The following CAPRIN1 variants were observed in gnomAD, a reference collection of about 807,000 sequenced individuals.
The protein encoded by CAPRIN1 is cell cycle associated protein 1.
CAPRIN1 carries 29 observed loss-of-function variants against 100.9 expected under a neutral mutation model. The observed-to-expected ratio is 0.29, with a 90% confidence interval of 0.21 to 0.39. CAPRIN1 has a LOEUF of 0.39. Ranked by LOEUF, CAPRIN1 falls within the 10% of genes least tolerant of loss-of-function variation. The pLI is 1.00. For missense variants in CAPRIN1, 795 were observed against 876.7 expected, an observed-to-expected ratio of 0.91 and a Z score of 1.18; for synonymous variants, 338 against 307.5, an observed-to-expected ratio of 1.10 and a Z score of -1.04.
intron 2 of CAPRIN1, among the ~76,000 whole-genome samples, chr11:34,066,044 C>T (rs762007091): frequency 7.9e-5 from 12 of 152,060 alleles, no homozygotes; most frequent in Non-Finnish European, 8.8e-5. Flanking sequence ...CGTGATCACA[C>T]GTTGAGGCTA....
intron 2 of CAPRIN1, chr11:34,056,517 GAGA>G (rs1490027343): frequency 6.6e-6 from 1 of 152,170 alleles, no homozygotes; most frequent in Non-Finnish European, 1.5e-5. Flanking sequence ...GTTTAGCAAA[GAGA>G]AGAAATACAG....
Position 34,082,953 on chromosome 11 carries a change from A to G in CAPRIN1, c.880-2A>G. On this transcript the variant is annotated splice_acceptor_variant, in intron 8 of 18. Transcript: ENST00000341394. LOFTEE classifies it high-confidence loss of function. ...GTCTCAAACATTTACTTTGCTTTGCAGTATGTAAATAGACAGTTCATGGCA... is the reference window on the plus strand; with the variant it reads ...GTCTCAAACATTTACTTTGCTTTGCGGTATGTAAATAGACAGTTCATGGCA... The G allele has an allele frequency of 6.2e-7, 1 of 1,613,566 alleles. No individual in the cohort carries two copies. Among genetic ancestry groups the G allele is most frequent in the Non-Finnish European group, 8.5e-7 (1 of 1,179,464 alleles).
chr11:34,063,968 A>AT (rs1038870585), intron 2 of CAPRIN1, among the ~76,000 whole-genome samples: 3 of 152,024 alleles, frequency 2.0e-5, no homozygotes, highest in African/African-American at 7.2e-5. Context: ...GGGTTTCTCC[A>AT]TGTTGGTCAG....
intron 2 of CAPRIN1, among the ~76,000 whole-genome samples, chr11:34,059,032 A>G (rs1228846645): frequency 6.6e-6 from 1 of 152,196 alleles, no homozygotes; most frequent in Non-Finnish European, 1.5e-5. Context: ...CAAAGTTGGA[A>G]CTGTAAATTG....
chr11:34,074,921 G>GT (rs1313611142), intron 4 of CAPRIN1, among the ~76,000 whole-genome samples: 1 of 150,230 alleles, frequency 6.7e-6, no homozygotes, highest in Non-Finnish European at 1.5e-5. Context: ...GCTCATACCT[G>GT]TAATCCTAGT....
chr11:34,082,057 C>G (rs1851043873), intron 7 of CAPRIN1, among the ~76,000 whole-genome samples: 1 of 152,176 alleles, frequency 6.6e-6, no homozygotes, highest in Non-Finnish European at 1.5e-5. Context: ...GGTGATCCCC[C>G]AACCTCGGCC....
chr11:34,072,605 G>A (rs1850824787), intron 4 of CAPRIN1, among the ~76,000 whole-genome samples: 1 of 152,102 alleles, frequency 6.6e-6, no homozygotes, highest in Non-Finnish European at 1.5e-5. Flanking sequence ...AAACTGATGT[G>A]CTCCTATATC....
intron 2 of CAPRIN1, among the ~76,000 whole-genome samples, chr11:34,055,132 C>G (rs4756101): frequency 0.85 from 129,217 of 152,116 alleles, 55,681 homozygotes; most frequent in East Asian, 1. Flanking sequence ...CTCTGTCATA[C>G]CCTACCCTCA....
rs1385008131 is a variant in CAPRIN1 at position 34,101,370 on chromosome 11, A to G, written c.*2003A>G. On this transcript the variant is annotated 3_prime_UTR_variant, in exon 19 of 19. Transcript: ENST00000341394. ...ATGATGTATGCTTGCAGTCCTATAT[A>G]AAACTAAATTTGCTATCTGTGTAGA... Among the ~76,000 whole-genome samples the G allele has an allele frequency of 1.3e-5, 2 of 152,196 alleles. No homozygotes were observed. The highest frequency in any genetic ancestry group is 2.9e-5 in the Non-Finnish European group (2 of 68,014).
intron 4 of CAPRIN1, among the ~76,000 whole-genome samples, chr11:34,074,397 A>G (rs1382189038): frequency 1.3e-5 from 2 of 152,210 alleles, no homozygotes; most frequent in African/African-American, 2.4e-5. Flanking sequence ...ACTGTACACA[A>G]TTATTAAACA....
chr11:34,058,034 T>A (rs897572672), intron 2 of CAPRIN1, among the ~76,000 whole-genome samples: 20 of 152,144 alleles, frequency 1.3e-4, no homozygotes, highest in African/African-American at 4.1e-4. Flanking sequence ...AGTTTTTTTT[T>A]AGAGCTTAAA....
chr11:34,082,254 C>A (rs905665478), intron 7 of CAPRIN1, among the ~76,000 whole-genome samples: 1 of 152,098 alleles, frequency 6.6e-6, no homozygotes, highest in African/African-American at 2.4e-5. Context: ...ATGGCCTGAT[C>A]TCGGCTCACT....
In CAPRIN1 at chr11:34,054,140, A is replaced by G. The variant is rs191354901; in HGVS notation, c.216+1504A>G. Among the ~76,000 whole-genome samples, 485 of 152,302 alleles carry G rather than the reference A, an allele frequency of 3.2e-3. 1 individual carries two copies. Among genetic ancestry groups the G allele is most frequent in the African/African-American group, 0.011 (466 of 41,562 alleles). On this transcript the variant is annotated intron_variant, in intron 2 of 18. Transcript: ENST00000341394. ...TATTTTACATTTTGGGAGAGTTTTA[A>G]AACATTTAGATTTGATACTTCCCTG... is the stretch of plus-strand genomic sequence containing the variant.
At chr11:34,052,929 G>A (rs1223538287) in intron 2 of CAPRIN1, 25 of 1,259,038 alleles carry the variant, frequency 2.0e-5, no homozygotes, top group South Asian at 7.1e-5. Context: ...AGTGGGACAT[G>A]TGAGGGTGGG....
chr11:34,062,480 C>T (rs1381182167), intron 2 of CAPRIN1, among the ~76,000 whole-genome samples: 1 of 151,978 alleles, frequency 6.6e-6, no homozygotes, highest in Non-Finnish European at 1.5e-5. Context: ...AAAAAATTAG[C>T]CGGGCGTGGT....
At chr11:34,066,054 A>T (rs1590725133) in intron 2 of CAPRIN1, among the ~76,000 whole-genome samples, 1 of 152,074 alleles carries the variant, frequency 6.6e-6, no homozygotes, top group East Asian at 1.9e-4. Context: ...CGTTGAGGCT[A>T]CTCACTGCAG....
chr11:34,094,438 A>G (rs1008420542), intron 15 of CAPRIN1, among the ~76,000 whole-genome samples: 3 of 152,244 alleles, frequency 2.0e-5, no homozygotes, highest in South Asian at 2.1e-4. Flanking sequence ...CAGGAACAAC[A>G]TGACAGAATC....
chr11:34,084,076 A>T (rs1851087216), intron 9 of CAPRIN1, among the ~76,000 whole-genome samples: 1 of 152,034 alleles, frequency 6.6e-6, no homozygotes, highest in African/African-American at 2.4e-5. Flanking sequence ...AGAAGAAAAA[A>T]ACCCATTTTC....
chr11:34,075,522 A>G (rs1435914626), intron 4 of CAPRIN1, among the ~76,000 whole-genome samples: 2 of 152,370 alleles, frequency 1.3e-5, no homozygotes, highest in East Asian at 1.9e-4. Flanking sequence ...CTCCACCAGC[A>G]TCATCTTATT....
Sources: allele counts gnomAD v4.1 joint callset (sites outside exome capture counted in the v4.1 genomes callset), GRCh38; gene constraint gnomAD v4.1.1; transcripts MANE v1.5; gene names NCBI Gene and HGNC (gene_info 2026-07-23, HGNC 2026-07-21).